PPP1R37: variants seen among roughly 807,000 people sequenced by gnomAD.
The protein encoded by PPP1R37 is protein phosphatase 1 regulatory subunit 37.
A neutral mutation model predicts 61.0 loss-of-function variants in PPP1R37; 21 were observed. The observed-to-expected ratio is 0.34, with a 90% CI of 0.24 to 0.50. The LOEUF (loss-of-function observed/expected upper bound fraction) is 0.50. Among genes scored for constraint, PPP1R37 ranks in the 20% least tolerant of loss-of-function variants. The pLI is 0.98. For synonymous variants in PPP1R37, 443 were observed against 433.5 expected (o/e 1.02, Z -0.27); for missense variants, 910 against 952.7 (o/e 0.96, Z 0.59).
intron 1 of PPP1R37, among the ~76,000 whole-genome samples, chr19:45,122,627 G>A (rs181888008): frequency 6.6e-5 from 10 of 152,256 alleles, no homozygotes; most frequent in African/African-American, 2.2e-4. Flanking sequence ...CCTTTGAGGA[G>A]GTGACTTGGG....
chr19:45,128,151 C>G (rs569551633), intron 1 of PPP1R37, among the ~76,000 whole-genome samples: 1 of 151,928 alleles, frequency 6.6e-6, no homozygotes, highest in Non-Finnish European at 1.5e-5. Flanking sequence ...TTTCTCTCTC[C>G]CTGTCCTCCT....
intron 1 of PPP1R37, among the ~76,000 whole-genome samples, chr19:45,099,076 A>T (rs773199026): frequency 6.6e-6 from 1 of 152,094 alleles, no homozygotes; most frequent in Non-Finnish European, 1.5e-5. Context: ...TGCCCAGCAA[A>T]TGCCTCCCTT....
chr19:45,128,552 A>G, intron 1 of PPP1R37: 3 of 1,231,140 alleles, frequency 2.4e-6, no homozygotes, highest in South Asian at 2.5e-5. Flanking sequence ...GAGAGCTGGA[A>G]TCGAAGCCTC....
At chr19:45,126,898 G>A (rs181297043) in intron 1 of PPP1R37, among the ~76,000 whole-genome samples, 1 of 152,350 alleles carries the variant, frequency 6.6e-6, no homozygotes, top group East Asian at 1.9e-4. Context: ...AGCACGGCCT[G>A]TGGCCAGGCT....
rs34081163 is a variant in PPP1R37 at position 45,138,905 on chromosome 19, CTTTTTTTT to C, written c.300+312_300+319del. Reference sequence around the variant, plus strand: ...GTCTGAATTACAAAATTTATGTATTCTTTTTTTTTTTTTTTTTTTTTTTTTGAGATGGA... The same window carrying C: ...GTCTGAATTACAAAATTTATGTATTCTTTTTTTTTTTTTTTTTGAGATGGA... On this transcript the variant is annotated intron_variant, in intron 2 of 12. Transcript: ENST00000221462. 1.0e-3 allele frequency among the ~76,000 whole-genome samples: 73 copies of C among 73,056 alleles called. 1 individual carries two copies. Among genetic ancestry groups the C allele is most frequent in the Non-Finnish European group, 1.6e-3 (63 of 40,304 alleles). 47.9% of individuals were successfully genotyped at this position (73,056 alleles called of 152,430 possible). A position where few individuals can be genotyped will look rare whatever the true frequency, so the allele number is the denominator to read the frequency against.
intron 7 of PPP1R37, chr19:45,142,759 A>C (rs902767775): frequency 2.6e-5 from 10 of 381,610 alleles, no homozygotes; most frequent in Non-Finnish European, 4.8e-5. Flanking sequence ...ACAATCTGAA[A>C]AGAAAGCAGT....
At chr19:45,114,781 C>A (rs1013950930) in intron 1 of PPP1R37, among the ~76,000 whole-genome samples, 25 of 140,974 alleles carry the variant, frequency 1.8e-4, no homozygotes, top group Non-Finnish European at 1.7e-4. Flanking sequence ...CCCCCCCCCC[C>A]ATCTCCACAA....
intron 1 of PPP1R37, among the ~76,000 whole-genome samples, chr19:45,103,291 C>G (rs1968087112): frequency 1.3e-5 from 2 of 152,220 alleles, no homozygotes; most frequent in Non-Finnish European, 2.9e-5. Flanking sequence ...CCGCACAGCT[C>G]ATGTGACTTG....
intron 1 of PPP1R37, among the ~76,000 whole-genome samples, chr19:45,125,743 GGAGTCAAGGTAAAGT>G (rs1968396967): frequency 6.6e-6 from 1 of 152,210 alleles, no homozygotes; most frequent in South Asian, 2.1e-4. Flanking sequence ...AGGACAGCGG[GGAGTCAAGGTAAAGT>G]GAAGAGGCCT....
At chr19:45,097,378 C>T (rs774925251) in intron 1 of PPP1R37, among the ~76,000 whole-genome samples, 4 of 151,970 alleles carry the variant, frequency 2.6e-5, no homozygotes, top group South Asian at 2.1e-4. Context: ...AGAGATGGAG[C>T]GCTGCCTAGG....
At position 45,145,849 on chromosome 19, in the gene PPP1R37, CA is replaced by C; in HGVS notation, c.1794del (p.Ala600ProfsTer38). On this transcript the variant is annotated frameshift_variant, in exon 11 of 13. Coordinates refer to ENST00000221462, the MANE Select transcript of PPP1R37 (RefSeq NM_019121.2). LOFTEE classifies it high-confidence loss of function. ...TPPSPPPPPS[P>X]PASPSLPPAG... The stretch of plus-strand genomic sequence containing the variant: ...CCCTCTCCCCCACCCCCTCCCTCCC[CA>C]CCCGCCTCACCTTCCCTACCACCAG... The C allele has an allele frequency of 6.6e-7, 1 of 1,513,368 alleles. No individual in the cohort carries two copies. Among genetic ancestry groups the C allele is most frequent in the Non-Finnish European group, 8.8e-7 (1 of 1,131,452 alleles). 93.7% of individuals were successfully genotyped at this position (1,513,368 alleles called of 1,614,324 possible). A position where few individuals can be genotyped will look rare whatever the true frequency, so the allele number is the denominator to read the frequency against.
chr19:45,106,257 T>C (rs57538580), intron 1 of PPP1R37, among the ~76,000 whole-genome samples: 18,835 of 152,110 alleles, frequency 0.12, 1,658 homozygotes, highest in African/African-American at 0.25. Context: ...TGTTTTTTTT[T>C]TGAGATGGAG....
At chr19:45,104,734 G>C (rs573275325) in intron 1 of PPP1R37, among the ~76,000 whole-genome samples, 158 of 152,190 alleles carry the variant, frequency 1.0e-3, no homozygotes, top group African/African-American at 3.5e-3. Context: ...AGGAAGCCCA[G>C]GTATAACCTG....
In PPP1R37 at chr19:45,118,841, C is replaced by T. The variant is rs141721752; in HGVS notation, c.203-19673C>T. Among the ~76,000 whole-genome samples the T allele has an allele frequency of 3.7e-4, 57 of 152,328 alleles. No homozygotes were observed. The East Asian group carries it at 9.1e-3, about 24-fold the overall frequency. ...CCACCCAGGTGGCTGCCTCCACAGC[C>T]GGGCTGGGCTTTATAACTAATTCTG... On this transcript the variant is annotated intron_variant, in intron 1 of 12. Coordinates refer to ENST00000221462, the MANE Select transcript of PPP1R37 (RefSeq NM_019121.2).
chr19:45,118,737 A>G (rs1212233744), intron 1 of PPP1R37, among the ~76,000 whole-genome samples: 1 of 151,094 alleles, frequency 6.6e-6, no homozygotes, highest in African/African-American at 2.5e-5. Context: ...CCTGTCCCTC[A>G]GGGGTGGGCA....
In PPP1R37 at chr19:45,145,412, G is replaced by A. The variant is rs763212607; in HGVS notation, c.1356G>A (p.Lys452=). The change falls in exon 11 of 13, where the codon AAG becomes AAA. Residue 452 remains lysine (K), a synonymous_variant. Coordinates refer to ENST00000221462, the MANE Select transcript of PPP1R37 (RefSeq NM_019121.2). ...TGGCCGAGATCCAGAACGGCTGCAA[G>A]CGCAACTTGGTGCTGGCGCGGGAGA... ...ALLAEIQNGC[K]RNLVLARERE... 1 of 1,535,448 alleles carries A rather than the reference G, an allele frequency of 6.5e-7. No individual in the cohort carries two copies. Among genetic ancestry groups the A allele is most frequent in the Non-Finnish European group, 8.7e-7 (1 of 1,146,636 alleles).
rs796934910 is a variant in PPP1R37 at position 45,121,667 on chromosome 19, T to C, written c.203-16847T>C. 6.6e-5 allele frequency among the ~76,000 whole-genome samples: 10 copies of C among 152,324 alleles called. No individual in the cohort carries two copies. The highest frequency in any genetic ancestry group is 2.2e-4 in the African/African-American group (9 of 41,578). On this transcript the variant is annotated intron_variant, in intron 1 of 12. Coordinates refer to ENST00000221462, the MANE Select transcript of PPP1R37 (RefSeq NM_019121.2). The surrounding 1 kb of genome is among the most constrained non-coding windows in gnomAD (Gnocchi z 4.2). ...TGTATACAGGGAGTCCAGGGGCTGG[T>C]GTGAGCCCTGCTCTTGAGGGGCCTC...
chr19:45,100,078 A>G (rs1968043422), intron 1 of PPP1R37: 1 of 152,204 alleles, frequency 6.6e-6, no homozygotes, highest in African/African-American at 2.4e-5. Flanking sequence ...CCTGTGTTGG[A>G]CGGACTGCAG....
intron 1 of PPP1R37, among the ~76,000 whole-genome samples, chr19:45,110,548 T>C (rs1968187815): frequency 6.6e-6 from 1 of 152,200 alleles, no homozygotes; most frequent in Non-Finnish European, 1.5e-5. Context: ...ATTTTCTTCT[T>C]ATAACTGGTA....
Sources: gnomAD v4.1 joint callset for allele counts (sites outside exome capture counted in the v4.1 genomes callset) on GRCh38, gnomAD v4.1.1 for gene constraint, Gnocchi (gnomAD v3.1) non-coding constraint, MANE v1.5 for transcripts, NCBI Gene and HGNC (gene_info 2026-07-23, HGNC 2026-07-21) for gene names.